CFAP299: variants seen among roughly 807,000 people sequenced by gnomAD.
CFAP299 encodes cilia and flagella associated protein 299.
A neutral mutation model predicts 27.0 loss-of-function variants in CFAP299; 21 were observed. That is an observed-to-expected ratio of 0.78 (90% CI 0.55 to 1.12). CFAP299 has a LOEUF of 1.12. Ranked by LOEUF, CFAP299 falls within the 50% of genes most tolerant of loss-of-function variation. The pLI, the probability that CFAP299 is intolerant of heterozygous loss-of-function variation, is 0.00. For synonymous variants in CFAP299, 104 were observed against 98.1 expected (o/e 1.06, Z -0.36); for missense variants, 310 against 276.6 (o/e 1.12, Z -0.86).
At chr4:80,790,131 T>A (rs2110098002) in intron 3 of CFAP299, among the ~76,000 whole-genome samples, 1 of 152,148 alleles carries the variant, frequency 6.6e-6, no homozygotes, top group African/African-American at 2.4e-5. Context: ...ACTATTATCA[T>A]TATTGAAGCA....
At chr4:80,342,128 G>A (rs947777237) in intron 1 of CFAP299, among the ~76,000 whole-genome samples, 81 of 152,180 alleles carry the variant, frequency 5.3e-4, no homozygotes, top group African/African-American at 1.4e-3. Context: ...AAAAAAGAAC[G>A]AAAAGGAACA....
chr4:80,451,307 T>C (rs1728893951), intron 2 of CFAP299, among the ~76,000 whole-genome samples: 1 of 152,108 alleles, frequency 6.6e-6, no homozygotes, highest in South Asian at 2.1e-4. Context: ...CCAGTCAGAG[T>C]GGATTAGGGC....
At chr4:80,556,378 T>G (rs1174629980) in intron 2 of CFAP299, among the ~76,000 whole-genome samples, 1 of 152,062 alleles carries the variant, frequency 6.6e-6, no homozygotes, top group Non-Finnish European at 1.5e-5. Flanking sequence ...ACAAGGAAAT[T>G]TGTTTATTTT....
At chr4:80,813,507 T>A (rs1240640246) in intron 3 of CFAP299, among the ~76,000 whole-genome samples, 1 of 151,990 alleles carries the variant, frequency 6.6e-6, no homozygotes, top group African/African-American at 2.4e-5. Flanking sequence ...AGGACATCCT[T>A]TTCTGTTGAT....
chr4:80,451,785 T>C (rs1011335907), intron 2 of CFAP299, among the ~76,000 whole-genome samples: 1 of 152,240 alleles, frequency 6.6e-6, no homozygotes, highest in Admixed American at 6.5e-5. Flanking sequence ...CAAACTATGC[T>C]ATTGGCAAGA....
At chr4:80,885,346 C>A (rs1733919934) in intron 4 of CFAP299, among the ~76,000 whole-genome samples, 1 of 152,148 alleles carries the variant, frequency 6.6e-6, no homozygotes, top group African/African-American at 2.4e-5. Context: ...AGGCTTAGAG[C>A]CAGTGAACTA....
At chr4:80,775,258 T>A (rs372507416) in intron 3 of CFAP299, among the ~76,000 whole-genome samples, 1 of 151,910 alleles carries the variant, frequency 6.6e-6, no homozygotes, top group South Asian at 2.1e-4. Context: ...TTGTAAGGTA[T>A]GAAAGAAAAC....
intron 3 of CFAP299, among the ~76,000 whole-genome samples, chr4:80,802,508 C>CTGAA (rs1199709061): frequency 6.6e-6 from 1 of 152,026 alleles, no homozygotes; most frequent in Admixed American, 6.6e-5. Context: ...TCTACGAGCA[C>CTGAA]TTCAGACATT....
At chr4:80,436,052 A>G (rs1728054881) in intron 2 of CFAP299, among the ~76,000 whole-genome samples, 1 of 152,198 alleles carries the variant, frequency 6.6e-6, no homozygotes, top group Non-Finnish European at 1.5e-5. Context: ...AATATGCTCC[A>G]TGTAAGTAAG....
chr4:80,736,272 AG>A (rs952549916), intron 3 of CFAP299, among the ~76,000 whole-genome samples: 17 of 152,078 alleles, frequency 1.1e-4, no homozygotes, highest in Non-Finnish European at 1.6e-4. Flanking sequence ...GGTGTAAGGA[AG>A]GGATCCAATT....
chr4:80,957,777 A>G (rs1232904191), intron 5 of CFAP299, among the ~76,000 whole-genome samples: 1 of 152,182 alleles, frequency 6.6e-6, no homozygotes, highest in Non-Finnish European at 1.5e-5. Flanking sequence ...TGCCCATTTC[A>G]AAGTTTTTCA....
At chr4:80,932,335 G>A (rs1263066556) in intron 4 of CFAP299, among the ~76,000 whole-genome samples, 2 of 152,000 alleles carry the variant, frequency 1.3e-5, no homozygotes, top group Non-Finnish European at 2.9e-5. Flanking sequence ...ATTGAAATTA[G>A]AGATACAATA....
chr4:80,876,308 G>A (rs1733373762), intron 4 of CFAP299, among the ~76,000 whole-genome samples: 1 of 152,036 alleles, frequency 6.6e-6, no homozygotes, highest in African/African-American at 2.4e-5. Flanking sequence ...CCTGATGGAA[G>A]GTAATTGAAT....
At chr4:80,782,306 G>A (rs1726925921) in intron 3 of CFAP299, among the ~76,000 whole-genome samples, 1 of 151,704 alleles carries the variant, frequency 6.6e-6, no homozygotes, top group African/African-American at 2.4e-5. Flanking sequence ...GCCCATGGAT[G>A]GAAAGAGATA....
chr4:80,686,075 C>A (rs188940564), intron 3 of CFAP299, among the ~76,000 whole-genome samples: 1 of 152,054 alleles, frequency 6.6e-6, no homozygotes. Context: ...TTTACACTGA[C>A]CAACCAAGTA....
rs769445847 is a variant in CFAP299 at position 80,755,665 on chromosome 4, G to A, written c.334-114328G>A. On this transcript the variant is annotated intron_variant, in intron 3 of 5. Transcript: ENST00000358105. ...TCGTCACTGCTTAAGAAACTCAAAT[G>A]TTCCCTTTTCTAAGTTGTAATTCCT... 5.2e-4 allele frequency among the ~76,000 whole-genome samples: 79 copies of A among 152,178 alleles called. 1 individual carries two copies. The Middle Eastern group carries it at 0.01, about 20-fold the overall frequency.
intron 2 of CFAP299, among the ~76,000 whole-genome samples, chr4:80,463,219 A>G (rs1443570260): frequency 4.6e-5 from 7 of 152,182 alleles, no homozygotes; most frequent in African/African-American, 1.7e-4. Flanking sequence ...AACAAAGGAA[A>G]CATCAGCCTA....
chr4:80,757,096 C>CACTCTTCATATTAGTTAGT (rs1725277734), intron 3 of CFAP299, among the ~76,000 whole-genome samples: 4 of 152,066 alleles, frequency 2.6e-5, no homozygotes, highest in Admixed American at 2.6e-4. Context: ...TAAATAAGAT[C>CACTCTTCATATTAGTTAGT]ACTCAAGCTT....
chr4:80,344,519 CA>C (rs1722629161), intron 1 of CFAP299, among the ~76,000 whole-genome samples: 1 of 151,822 alleles, frequency 6.6e-6, no homozygotes. Flanking sequence ...GCCTACCAAT[CA>C]AAAAAAGCCC....
Sources: allele counts gnomAD v4.1 joint callset (sites outside exome capture counted in the v4.1 genomes callset), GRCh38; gene constraint gnomAD v4.1.1; transcripts MANE v1.5; gene names NCBI Gene and HGNC (gene_info 2026-07-23, HGNC 2026-07-21).